The following ZFYVE28 variants were observed in gnomAD, a reference collection of about 807,000 sequenced individuals.
ZFYVE28 encodes zinc finger FYVE-type containing 28, also known as lateral signaling target protein 2 homolog.
In ZFYVE28, 40 loss-of-function variants were observed where a neutral mutation model predicts 82.1. The ratio of observed to expected loss-of-function variants is 0.49; its 90% CI spans 0.38 to 0.63. The LOEUF is 0.63. Ranked by LOEUF, ZFYVE28 falls within the 30% of genes least tolerant of loss-of-function variation. The pLI is 0.00. For missense variants in ZFYVE28, 1,321 were observed against 1,242.1 expected, an observed-to-expected ratio of 1.06 and a Z score of -0.96; for synonymous variants, 612 against 546.1, an observed-to-expected ratio of 1.12 and a Z score of -1.68.
At chr4:2,411,784 C>T (rs1426609188) in intron 1 of ZFYVE28, among the ~76,000 whole-genome samples, 1 of 152,182 alleles carries the variant, frequency 6.6e-6, no homozygotes, top group Admixed American at 6.5e-5. Context: ...GAAGCTCATC[C>T]CCTCACATCA....
In ZFYVE28 at chr4:2,273,127, C is replaced by T. The variant is rs775089520; in HGVS notation, c.2323+46G>A. Reference sequence around the variant, plus strand: ...GCACCCCTCCCTGTGGGCAGGGACACGGCCACCAGCGCAGGCCTCAGAGCC... The same window carrying T: ...GCACCCCTCCCTGTGGGCAGGGACATGGCCACCAGCGCAGGCCTCAGAGCC... On this transcript the variant is annotated intron_variant, in intron 10 of 12. Transcript: ENST00000290974. 8.1e-6 allele frequency: 12 copies of T among 1,479,142 alleles called. No homozygotes were observed. In the South Asian group the frequency reaches 8.4e-5, roughly 10 times the overall value. The allele number at this position is 1,479,142 out of a possible 1,614,324, so 91.6% of individuals were successfully genotyped here.
chr4:2,352,134 A>G (rs1578211600), intron 2 of ZFYVE28, among the ~76,000 whole-genome samples: 1 of 152,296 alleles, frequency 6.6e-6, no homozygotes, highest in East Asian at 1.9e-4. Context: ...CAATGCATGT[A>G]TAAATGGACC....
At chr4:2,316,793 G>C (rs1256409341) in intron 7 of ZFYVE28, among the ~76,000 whole-genome samples, 2 of 150,052 alleles carry the variant, frequency 1.3e-5, no homozygotes, top group Non-Finnish European at 3.0e-5. Context: ...CCCAGGTTTA[G>C]GCAATTCTCC....
In ZFYVE28 at chr4:2,417,265, G is replaced by A. The variant is rs1358383532; in HGVS notation, c.39+1020C>T. On this transcript the variant is annotated intron_variant, in intron 1 of 12. Transcript: ENST00000290974. The surrounding 1 kb of genome is among the most constrained non-coding windows in gnomAD (Gnocchi z 4.8). Reference sequence around the variant, plus strand: ...GGGCCTCCCCGCTGCGCCGGCCCCAGGGTGCCACCCTCGGACGCCCAGATG... The same window carrying A: ...GGGCCTCCCCGCTGCGCCGGCCCCAAGGTGCCACCCTCGGACGCCCAGATG... Among the ~76,000 whole-genome samples the A allele has an allele frequency of 6.6e-6, 1 of 152,140 alleles. No individual in the cohort carries two copies. The highest frequency in any genetic ancestry group is 1.5e-5 in the Non-Finnish European group (1 of 68,014).
chr4:2,305,677 G>T, intron 7 of ZFYVE28, 141 bp from the exon 8 acceptor site: 1 of 1,021,154 alleles, frequency 9.8e-7, no homozygotes, highest in Non-Finnish European at 1.4e-6. Flanking sequence ...AATTCTCAAG[G>T]CACCAGCACG....
intron 8 of ZFYVE28, among the ~76,000 whole-genome samples, chr4:2,277,791 T>C (rs1338725473): frequency 6.6e-6 from 1 of 152,172 alleles, no homozygotes; most frequent in Non-Finnish European, 1.5e-5. Context: ...ATGCAATCCA[T>C]ACGAAAGTGC....
chr4:2,276,426 C>T (rs558278593), intron 8 of ZFYVE28, among the ~76,000 whole-genome samples: 155 of 152,356 alleles, frequency 1.0e-3, no homozygotes, highest in Middle Eastern at 3.4e-3. Flanking sequence ...GGGGCCTTCA[C>T]TGTCCAGGAT....
Position 2,326,874 on chromosome 4 carries a change from G to T in ZFYVE28, c.702-6603C>A, listed in dbSNP as rs150359215. ...AAAATGCTACTAATTTTTGTGTCTT[G>T]ATTTTGTGTCCTGGAACTTTACTAT... On this transcript the variant is annotated intron_variant, in intron 6 of 12. Transcript: ENST00000290974. 2.9e-3 allele frequency among the ~76,000 whole-genome samples: 447 copies of T among 152,142 alleles called. 2 individuals are homozygous for T. The highest frequency in any genetic ancestry group is 0.01 in the African/African-American group (430 of 41,490).
At chr4:2,366,965 A>C (rs752847564) in intron 1 of ZFYVE28, among the ~76,000 whole-genome samples, 34 of 152,258 alleles carry the variant, frequency 2.2e-4, no homozygotes, top group African/African-American at 3.4e-4. Context: ...CAAATCTAGC[A>C]AAGCGTTTTC....
At chr4:2,316,394 C>A (rs1011305841) in intron 7 of ZFYVE28, 3 of 152,284 alleles carry the variant, frequency 2.0e-5, no homozygotes, top group African/African-American at 7.2e-5. Context: ...AAGTTTAGTG[C>A]AGACACCTGA....
intron 1 of ZFYVE28, among the ~76,000 whole-genome samples, chr4:2,379,192 T>C (rs113656056): frequency 3.3e-5 from 5 of 152,268 alleles, no homozygotes; most frequent in Middle Eastern, 6.8e-3. Context: ...GGTGTGGGCA[T>C]TGGGGGGACC....
intron 8 of ZFYVE28, among the ~76,000 whole-genome samples, chr4:2,279,362 C>T (rs1397209582): frequency 2.6e-5 from 4 of 152,120 alleles, no homozygotes; most frequent in African/African-American, 9.7e-5. Flanking sequence ...ACCCAGGAGG[C>T]AGAGGTTGCA....
At chr4:2,410,944 T>C (rs1560359430) in intron 1 of ZFYVE28, among the ~76,000 whole-genome samples, 1 of 152,204 alleles carries the variant, frequency 6.6e-6, no homozygotes, top group East Asian at 1.9e-4. Flanking sequence ...GACATTTAAG[T>C]AGTTGATTCT....
At chr4:2,398,186 T>A (rs1730691726) in intron 1 of ZFYVE28, among the ~76,000 whole-genome samples, 2 of 152,020 alleles carry the variant, frequency 1.3e-5, no homozygotes. Context: ...ATGGCCTGGC[T>A]CCACAGGAGG....
At chr4:2,281,209 G>A (rs563899370) in intron 8 of ZFYVE28, among the ~76,000 whole-genome samples, 42 of 152,318 alleles carry the variant, frequency 2.8e-4, no homozygotes, top group African/African-American at 9.4e-4. Context: ...TACTGCCCAA[G>A]GGAACCGGCT....
chr4:2,333,032 C>T (rs2108849898), intron 6 of ZFYVE28, among the ~76,000 whole-genome samples: 1 of 152,136 alleles, frequency 6.6e-6, no homozygotes, highest in South Asian at 2.1e-4. Context: ...CCCCCTTCAC[C>T]TCCTGGGGGT....
Position 2,393,149 on chromosome 4 carries a change from A to AC in ZFYVE28, c.39+25135dup, listed in dbSNP as rs1185298431. The stretch of plus-strand genomic sequence containing the variant: ...TCTCATCTGCAGAGCCCCAGAGGAG[A>AC]CCCCCACAGCTCCTCGGCCCGTGGA... On this transcript the variant is annotated intron_variant, in intron 1 of 12. Coordinates refer to ENST00000290974, the MANE Select transcript of ZFYVE28 (RefSeq NM_020972.3). 3.3e-5 allele frequency among the ~76,000 whole-genome samples: 5 copies of AC among 151,912 alleles called. No homozygotes were observed. In the East Asian group the frequency reaches 9.7e-4, roughly 29 times the overall value.
intron 6 of ZFYVE28, among the ~76,000 whole-genome samples, chr4:2,333,148 T>TCCAGCCTCCCTCC (rs1369792831): frequency 6.7e-6 from 1 of 149,862 alleles, no homozygotes; most frequent in Non-Finnish European, 1.5e-5. Context: ...CAACAGAAGC[T>TCCAGCCTCCCTCC]CCAGCCTCCC....
chr4:2,375,618 CATGGACCAGGAG>C (rs1357846007), intron 1 of ZFYVE28, among the ~76,000 whole-genome samples: 1 of 150,986 alleles, frequency 6.6e-6, no homozygotes, highest in African/African-American at 2.4e-5. Flanking sequence ...TCAACTCCTC[CATGGACCAGGAG>C]GAGAGGAAAC....
Sources: gnomAD v4.1 joint callset for allele counts (sites outside exome capture counted in the v4.1 genomes callset) on GRCh38, gnomAD v4.1.1 for gene constraint, Gnocchi (gnomAD v3.1) non-coding constraint, MANE v1.5 for transcripts, NCBI Gene and HGNC (gene_info 2026-07-23, HGNC 2026-07-21) for gene names.